DIP2C: variants seen among roughly 807,000 people sequenced by gnomAD.
The protein encoded by DIP2C is disco-interacting protein 2 homolog C.
A neutral mutation model predicts 192.4 loss-of-function variants in DIP2C; 33 were observed. The observed-to-expected ratio is 0.17, with a 90% CI of 0.13 to 0.23. The LOEUF (loss-of-function observed/expected upper bound fraction) is 0.23, where lower values mean the gene tolerates loss of function less well. DIP2C is among the 10% of genes least tolerant of loss of function. The pLI, the probability that DIP2C is intolerant of heterozygous loss-of-function variation, is 1.00. For missense variants in DIP2C, 1,537 were observed against 2,110.1 expected, an observed-to-expected ratio of 0.73 and a Z score of 5.32; for synonymous variants, 979 against 864.1, an observed-to-expected ratio of 1.13 and a Z score of -2.33.
intron 1 of DIP2C, among the ~76,000 whole-genome samples, chr10:528,263 G>A (rs1847171705): frequency 6.6e-6 from 1 of 151,964 alleles, no homozygotes; most frequent in Admixed American, 6.6e-5. Flanking sequence ...AAAACGCAGT[G>A]GCACCGTCAC....
At chr10:561,257 G>C (rs1849200492) in intron 1 of DIP2C, among the ~76,000 whole-genome samples, 1 of 152,108 alleles carries the variant, frequency 6.6e-6, no homozygotes, top group Admixed American at 6.5e-5. Flanking sequence ...TCTCTTTGCT[G>C]ACATGGTACC....
chr10:435,257 C>G (rs1290940426), intron 4 of DIP2C, among the ~76,000 whole-genome samples: 3 of 152,160 alleles, frequency 2.0e-5, no homozygotes, highest in African/African-American at 7.2e-5. Flanking sequence ...TGATAAAACC[C>G]CACCAGGTTA....
In DIP2C at chr10:632,326, G is replaced by A. The variant is rs147819696; in HGVS notation, c.85+57168C>T. Among the ~76,000 whole-genome samples, 4 of 152,160 alleles carry A rather than the reference G, an allele frequency of 2.6e-5. No homozygotes were observed. In the South Asian group the frequency reaches 6.2e-4, roughly 24 times the overall value. ...CCAGCACTGTAACTGGAAACCACGC[G>A]GGCACCAGCGTGAACTCAGACCCGA... is the stretch of plus-strand genomic sequence containing the variant. On this transcript the variant is annotated intron_variant, in intron 1 of 36. Coordinates refer to ENST00000280886, the MANE Select transcript of DIP2C (RefSeq NM_014974.3).
At chr10:546,124 TA>T (rs146699780) in intron 1 of DIP2C, among the ~76,000 whole-genome samples, 27,084 of 151,656 alleles carry the variant, frequency 0.18, 4,091 homozygotes, top group African/African-American at 0.41. Context: ...TCTACTAAAA[TA>T]ATAAAAATTA....
intron 1 of DIP2C, among the ~76,000 whole-genome samples, chr10:504,272 G>C (rs1043126477): frequency 6.6e-6 from 1 of 152,362 alleles, no homozygotes; most frequent in South Asian, 2.1e-4. Flanking sequence ...GGCCACGCTG[G>C]AAGAGGCACG....
Position 666,288 on chromosome 10 carries a change from G to A in DIP2C, c.85+23206C>T, listed in dbSNP as rs776228013. ...CCCACGAAAGACTCACAACATCCCT[G>A]GAAAAGCAACGAGGCGAACGGCTGG... On this transcript the variant is annotated intron_variant, in intron 1 of 36. Transcript: ENST00000280886. The surrounding 1 kb of genome is among the most constrained non-coding windows in gnomAD (Gnocchi z 4.1). The A allele has an allele frequency of 1.1e-4, 17 of 152,390 alleles. No homozygotes were observed. Among genetic ancestry groups the A allele is most frequent in the Admixed American group, 1.1e-3 (17 of 15,300 alleles). The allele number at this position is 152,390 out of a possible 1,614,324, so 9.4% of individuals were successfully genotyped here.
In DIP2C at chr10:325,378, C is replaced by T. The variant is rs532409123; in HGVS notation, c.3924+1628G>A. On this transcript the variant is annotated intron_variant, in intron 31 of 36. Coordinates refer to ENST00000280886, the MANE Select transcript of DIP2C (RefSeq NM_014974.3). ...TACAAGAGGCCAATTTTACACCACA[C>T]GCTGAACTCTGTCACCTGCTGGAGG... 1.4e-4 allele frequency among the ~76,000 whole-genome samples: 22 copies of T among 152,314 alleles called. No individual in the cohort carries two copies. The East Asian group carries it at 3.5e-3, about 24-fold the overall frequency.
intron 32 of DIP2C, among the ~76,000 whole-genome samples, chr10:302,390 C>G (rs1956093598): frequency 6.6e-6 from 1 of 152,170 alleles, no homozygotes; most frequent in Admixed American, 6.5e-5. Flanking sequence ...ATCCAAGCAC[C>G]TGTTAAATTC....
At chr10:668,560 CAT>C (rs1482555039) in intron 1 of DIP2C, 1 of 152,094 alleles carries the variant, frequency 6.6e-6, no homozygotes, top group African/African-American at 2.4e-5. Context: ...TCATACAACA[CAT>C]AACACTCAAA....
chr10:678,879 C>T (rs1348731545), intron 1 of DIP2C, among the ~76,000 whole-genome samples: 1 of 47,724 alleles, frequency 2.1e-5, no homozygotes, highest in African/African-American at 7.3e-5. Context: ...CCATGCTCCC[C>T]GCACCCATCC....
chr10:612,269 G>C (rs1238863213), intron 1 of DIP2C, among the ~76,000 whole-genome samples: 1 of 150,868 alleles, frequency 6.6e-6, no homozygotes, highest in Non-Finnish European at 1.5e-5. Flanking sequence ...TCCAGCCTGG[G>C]CAACACAGCA....
chr10:491,427 G>GC (rs1222853877), intron 1 of DIP2C, among the ~76,000 whole-genome samples: 2 of 152,220 alleles, frequency 1.3e-5, no homozygotes, highest in Non-Finnish European at 2.9e-5. Flanking sequence ...GAGCCAGGAG[G>GC]CCCCGGAAGG....
rs144145673 is a variant in DIP2C, at chr10:598,143, A to G, written c.85+91351T>C. The stretch of plus-strand genomic sequence containing the variant: ...CCTCCCACGAGGAAAGTGCCAGGCA[A>G]AGAGTCGGAGACACCAGGGATGGAG... On this transcript the variant is annotated intron_variant, in intron 1 of 36. Transcript: ENST00000280886. Among the ~76,000 whole-genome samples, 220 of 152,320 alleles carry G rather than the reference A, an allele frequency of 1.4e-3. 4 individuals carry two copies. In the East Asian group the frequency reaches 0.029, roughly 20 times the overall value.
At chr10:404,761 A>G (rs1221259501) in intron 9 of DIP2C, among the ~76,000 whole-genome samples, 1 of 152,250 alleles carries the variant, frequency 6.6e-6, no homozygotes, top group Non-Finnish European at 1.5e-5. Flanking sequence ...TGGAATTTCT[A>G]TAGTCCACTA....
chr10:400,221 T>C (rs143148986), intron 9 of DIP2C, among the ~76,000 whole-genome samples: 3 of 150,310 alleles, frequency 2.0e-5, no homozygotes, highest in African/African-American at 7.4e-5. Context: ...TGGGGTCTCG[T>C]TATGTTGCCC....
intron 1 of DIP2C, among the ~76,000 whole-genome samples, chr10:685,193 T>A (rs866863188): frequency 2.1e-4 from 14 of 65,876 alleles, no homozygotes; most frequent in South Asian, 5.8e-4. Flanking sequence ...TATACATATA[T>A]ATATATATAT....
chr10:518,728 C>T (rs1285393434), intron 1 of DIP2C, among the ~76,000 whole-genome samples: 7 of 152,210 alleles, frequency 4.6e-5, no homozygotes, highest in Admixed American at 6.5e-5. Context: ...TGTTTTGTTA[C>T]AGCAGCCTTA....
At chr10:650,261 G>A (rs756636493) in intron 1 of DIP2C, 23 of 716,890 alleles carry the variant, frequency 3.2e-5, no homozygotes, top group East Asian at 1.1e-4. Context: ...CAGCTGGCCC[G>A]AGGTGACACA....
chr10:612,927 A>G (rs775944016), intron 1 of DIP2C, among the ~76,000 whole-genome samples: 7 of 152,188 alleles, frequency 4.6e-5, no homozygotes, highest in African/African-American at 7.2e-5. Flanking sequence ...AATGCATGTA[A>G]AATTTTAAGG....
Sources: allele counts gnomAD v4.1 joint callset (sites outside exome capture counted in the v4.1 genomes callset), GRCh38; gene constraint gnomAD v4.1.1; non-coding constraint Gnocchi (gnomAD v3.1); transcripts MANE v1.5; gene names NCBI Gene and HGNC (gene_info 2026-07-23, HGNC 2026-07-21).